Variants in RUBCN observed in about 807,000 individuals in gnomAD.
The protein encoded by RUBCN is rubicon autophagy regulator, also known as run domain Beclin-1-interacting and cysteine-rich domain-containing protein.
RUBCN carries 74 observed loss-of-function variants against 113.2 expected under a neutral mutation model. The ratio of observed to expected loss-of-function variants is 0.65; its 90% confidence interval spans 0.54 to 0.79. The LOEUF is 0.79. Among genes scored for constraint, RUBCN ranks in the 30% least tolerant of loss-of-function variants. The pLI is 0.00. For synonymous variants in RUBCN, 480 were observed against 490.0 expected (o/e 0.98, Z 0.27); for missense variants, 1,109 against 1,251.7 (o/e 0.89, Z 1.72).
chr3:197,734,039 T>G (rs1321472740), intron 1 of RUBCN, among the ~76,000 whole-genome samples: 1 of 152,106 alleles, frequency 6.6e-6, no homozygotes, highest in East Asian at 1.9e-4. Context: ...GTAGATCCTC[T>G]GAGGTCAGGA....
At position 197,681,941 on chromosome 3, in the gene RUBCN, C is replaced by A. The variant is rs372779025; in HGVS notation, c.2127-42G>T. 1 of 1,511,810 alleles carries A rather than the reference C, an allele frequency of 6.6e-7. No homozygotes were observed. The highest frequency in any genetic ancestry group is 2.3e-5 in the East Asian group (1 of 44,364). The allele number at this position is 1,511,810 out of a possible 1,614,324, so 93.6% of individuals were successfully genotyped here. On this transcript the variant is annotated intron_variant, in intron 14 of 19. Coordinates refer to ENST00000296343, the MANE Select transcript of RUBCN (RefSeq NM_014687.4). The surrounding 1 kb of genome is among the most constrained non-coding windows in gnomAD (Gnocchi z 5.5). Reference sequence around the variant, plus strand: ...ACAGGGCATTGGCACAGAGCAGCTGCGTGAGACCTTGGAGGTGTGAAGGAG... The same window carrying A: ...ACAGGGCATTGGCACAGAGCAGCTGAGTGAGACCTTGGAGGTGTGAAGGAG...
intron 16 of RUBCN, among the ~76,000 whole-genome samples, chr3:197,678,315 T>C (rs1247764312): frequency 6.7e-6 from 1 of 149,814 alleles, no homozygotes; most frequent in African/African-American, 2.5e-5. Context: ...CAGACTGTCC[T>C]ATGCTCTAAC....
At chr3:197,711,811 C>A (rs1004145237) in intron 2 of RUBCN, among the ~76,000 whole-genome samples, 1 of 151,856 alleles carries the variant, frequency 6.6e-6, no homozygotes, top group African/African-American at 2.4e-5. Flanking sequence ...ATACAGTGTT[C>A]AAAAATTAAA....
At chr3:197,697,208 C>A (rs1335832734) in intron 7 of RUBCN, among the ~76,000 whole-genome samples, 159 bp from the exon 8 acceptor site, 1 of 152,092 alleles carries the variant, frequency 6.6e-6, no homozygotes, top group Non-Finnish European at 1.5e-5. Flanking sequence ...GGTACAGAAA[C>A]ACAGGGAGGG....
At chr3:197,693,878 G>A in intron 10 of RUBCN, 62 bp from the exon 11 acceptor site, 3 of 1,099,730 alleles carry the variant, frequency 2.7e-6, no homozygotes, top group Non-Finnish European at 2.8e-6. Flanking sequence ...TGTCCTTCCA[G>A]TGTCACAATA....
intron 2 of RUBCN, among the ~76,000 whole-genome samples, chr3:197,708,554 C>CAAAAAAAA (rs113534449): frequency 2.7e-5 from 2 of 74,566 alleles, no homozygotes; most frequent in Non-Finnish European, 6.1e-5. Flanking sequence ...GTGGTAGACT[C>CAAAAAAAA]AAAAAAAAAA....
At chr3:197,722,246 A>C (rs1726253269) in intron 1 of RUBCN, among the ~76,000 whole-genome samples, 1 of 152,048 alleles carries the variant, frequency 6.6e-6, no homozygotes, top group East Asian at 1.9e-4. Context: ...TCAAAAAAAA[A>C]AAGAAAGAAA....
At position 197,683,398 on chromosome 3, in the gene RUBCN, G is replaced by A; in HGVS notation, c.1889C>T (p.Ala630Val). 1.2e-6 allele frequency: 2 copies of A among 1,614,156 alleles called. No homozygotes were observed. Among genetic ancestry groups the A allele is most frequent in the Non-Finnish European group, 1.7e-6 (2 of 1,180,024 alleles). Residue 630 changes from alanine to valine, a missense_variant, in exon 13 of 20, where the codon GCC (alanine) becomes GTC (valine). Physicochemically the swap from Ala to Val is moderately conservative, Grantham distance 64. Around this residue, in one of 3 missense-constraint regions of RUBCN, gnomAD observed 67 missense variants for 123.2 expected, o/e 0.54. Transcript: ENST00000296343. The surrounding 1 kb of genome is among the most constrained non-coding windows in gnomAD (Gnocchi z 4.6). ...CTCAAACTGCTTCAGGAGCCCCATG[G>A]CCACCGCCTCAGCAGACGTGGAGTG... ...FLHSTSAEAVAMGLLKQFEGM... is the reference protein window; with the variant it reads ...FLHSTSAEAVVMGLLKQFEGM...
chr3:197,715,558 T>C (rs1050165215), intron 2 of RUBCN, among the ~76,000 whole-genome samples: 2 of 151,924 alleles, frequency 1.3e-5, no homozygotes, highest in Non-Finnish European at 2.9e-5. Flanking sequence ...CCTATTCTCT[T>C]AATGCTTTAC....
At chr3:197,724,245 T>C (rs1726483820) in intron 1 of RUBCN, among the ~76,000 whole-genome samples, 1 of 152,140 alleles carries the variant, frequency 6.6e-6, no homozygotes, top group East Asian at 1.9e-4. Flanking sequence ...AGTCTTAAGC[T>C]CACCATGTTA....
Position 197,694,216 on chromosome 3 carries a change from G to T in RUBCN, c.1684+159C>A, listed in dbSNP as rs533363569. 1.4e-5 allele frequency: 11 copies of T among 773,930 alleles called. No individual in the cohort carries two copies. In the East Asian group the frequency reaches 2.8e-4, roughly 20 times the overall value. 47.9% of individuals were successfully genotyped at this position (773,930 alleles called of 1,614,324 possible). A position where few individuals can be genotyped will look rare whatever the true frequency, so the allele number is the denominator to read the frequency against. ...TGGAAGGCAGGTATTTCTGATGCAG[G>T]AAACGGAGCGACTCTAGGATGAGTA... On this transcript the variant is annotated intron_variant, in intron 10 of 19. Coordinates refer to ENST00000296343, the MANE Select transcript of RUBCN (RefSeq NM_014687.4).
chr3:197,681,558 C>A lies in RUBCN; in HGVS notation c.2192-191G>T, dbSNP rs1432241113. Among the ~76,000 whole-genome samples, 3 of 152,128 alleles carry A rather than the reference C, an allele frequency of 2.0e-5. No individual in the cohort carries two copies. The highest frequency in any genetic ancestry group is 2.9e-5 in the Non-Finnish European group (2 of 68,020). On this transcript the variant is annotated intron_variant, in intron 15 of 19. Transcript: ENST00000296343. This position sits in a 1 kb window ranked among gnomAD's most constrained non-coding sequence, Gnocchi z 5.5. The stretch of plus-strand genomic sequence containing the variant: ...GGGTGATAATGTCCTACCTTGGAGG[C>A]CCTGAGGAAATAAAACCAGCTGGAG...
At chr3:197,699,317 CCAG>C (rs1723376497) in intron 7 of RUBCN, 3 of 991,518 alleles carry the variant, frequency 3.0e-6, no homozygotes, top group Non-Finnish European at 4.6e-6. Flanking sequence ...TAAATTTTAC[CCAG>C]CAGAAGTGGG....
At chr3:197,741,676 C>A (rs1033366933), upstream of RUBCN, among the ~76,000 whole-genome samples, 1 of 151,748 alleles carries the variant, frequency 6.6e-6, no homozygotes, top group African/African-American at 2.4e-5. Flanking sequence ...ACTAAAAATT[C>A]GCCAGGCATG....
intron 18 of RUBCN, among the ~76,000 whole-genome samples, chr3:197,676,026 C>T (rs907223027): frequency 1.3e-5 from 2 of 152,114 alleles, no homozygotes; most frequent in African/African-American, 2.4e-5. Context: ...TAGGCTAAGA[C>T]AGGAAGTTCT....
chr3:197,715,290 G>GAAAAA, intron 2 of RUBCN, among the ~76,000 whole-genome samples: 1 of 102,840 alleles, frequency 9.7e-6, no homozygotes, highest in East Asian at 2.2e-4. Flanking sequence ...ACTCTATCTT[G>GAAAAA]AAAAAAAAAA....
rs1050731826 is a variant in RUBCN, at chr3:197,703,838, C to A, written c.464-184G>T. Among the ~76,000 whole-genome samples the A allele has an allele frequency of 3.9e-5, 6 of 152,132 alleles. No homozygotes were observed. Among genetic ancestry groups the A allele is most frequent in the African/African-American group, 9.7e-5 (4 of 41,418 alleles). On this transcript the variant is annotated intron_variant, in intron 4 of 19. Transcript: ENST00000296343. ...AAATGGCCAGGGCAAGAGGCTTCAA[C>A]GTCAGAAAAATCCAGATTTGAATCC...
chr3:197,723,522 T>G (rs1726399897), intron 1 of RUBCN, among the ~76,000 whole-genome samples: 1 of 152,294 alleles, frequency 6.6e-6, no homozygotes, highest in Admixed American at 6.5e-5. Flanking sequence ...TGACTTAAGT[T>G]TGATCATAAA....
exon 1 of RUBCN, chr3:197,749,275 C>T: frequency 9.5e-7 from 1 of 1,057,822 alleles, no homozygotes; most frequent in Non-Finnish European, 1.2e-6. Context: ...TTACCCCTCC[C>T]GAGGGAAGCT....
Sources: allele counts gnomAD v4.1 joint callset (sites outside exome capture counted in the v4.1 genomes callset), GRCh38; gene constraint gnomAD v4.1.1; regional missense constraint gnomAD v4.1.1; non-coding constraint Gnocchi (gnomAD v3.1); transcripts MANE v1.5; gene names NCBI Gene and HGNC (gene_info 2026-07-23, HGNC 2026-07-21).